ANKFN1: variants seen among roughly 807,000 people sequenced by gnomAD.
ANKFN1 encodes ankyrin repeat and fibronectin type-III domain-containing protein 1.
ANKFN1 carries 74 observed loss-of-function variants against 108.7 expected under a neutral mutation model. That is an observed-to-expected ratio of 0.68 (90% CI 0.56 to 0.83). The LOEUF is 0.83. ANKFN1 is among the 40% of genes least tolerant of loss of function. ANKFN1 has a pLI of 0.00. For synonymous variants in ANKFN1, 547 were observed against 516.2 expected, an observed-to-expected ratio of 1.06 and a Z score of -0.81; for missense variants, 1,505 against 1,382.3, an observed-to-expected ratio of 1.09 and a Z score of -1.41.
intron 8 of ANKFN1, among the ~76,000 whole-genome samples, chr17:56,379,669 A>G (rs2047040977): frequency 1.3e-5 from 2 of 152,226 alleles, no homozygotes; most frequent in South Asian, 4.1e-4. Flanking sequence ...GGCTCCTCTT[A>G]CAGTTGTATA....
chr17:56,233,185 A>G (rs767774409), intron 3 of ANKFN1, among the ~76,000 whole-genome samples: 8 of 152,098 alleles, frequency 5.3e-5, no homozygotes, highest in African/African-American at 1.4e-4. Flanking sequence ...TATTTTCAAT[A>G]TATGCTAATA....
At chr17:56,340,526 C>T (rs959623681) in intron 4 of ANKFN1, among the ~76,000 whole-genome samples, 1 of 151,924 alleles carries the variant, frequency 6.6e-6, no homozygotes, top group Non-Finnish European at 1.5e-5. Flanking sequence ...TCTGCTTATG[C>T]CTAGCCAGTT....
At chr17:56,283,536 T>TATATATATATATATATATA (rs1555622132) in intron 3 of ANKFN1, among the ~76,000 whole-genome samples, 1 of 149,960 alleles carries the variant, frequency 6.7e-6, no homozygotes, top group African/African-American at 2.5e-5. Context: ...TATATATATA[T>TATATATATATATATATATA]ATGATGGAAT....
At chr17:56,365,386 T>G (rs1461551096) in intron 6 of ANKFN1, among the ~76,000 whole-genome samples, 1 of 152,198 alleles carries the variant, frequency 6.6e-6, no homozygotes, top group African/African-American at 2.4e-5. Flanking sequence ...ATAAGATCAA[T>G]GGATGTAATA....
At chr17:56,113,841 A>G (rs1906111205) in intron 4 of ANKFN1, among the ~76,000 whole-genome samples, 1 of 86,182 alleles carries the variant, frequency 1.2e-5, no homozygotes, top group African/African-American at 7.1e-5. Flanking sequence ...GGTCAGATGG[A>G]TATATGATTA....
rs369987912 is a variant in ANKFN1, at chr17:56,465,530, G to T, written c.1558-826G>T. On this transcript the variant is annotated intron_variant, in intron 14 of 20. Transcript: ENST00000682825. Reference sequence around the variant, plus strand: ...CTTATGTGAGCTCACAAAAGTAACAGCTAGGAGCTCTAGGATGATTTATAA... The same window carrying T: ...CTTATGTGAGCTCACAAAAGTAACATCTAGGAGCTCTAGGATGATTTATAA... 1.4e-4 allele frequency among the ~76,000 whole-genome samples: 21 copies of T among 152,190 alleles called. 3 individuals carry two copies. Among genetic ancestry groups the T allele is most frequent in the Admixed American group, 9.2e-4 (14 of 15,284 alleles).
intron 8 of ANKFN1, among the ~76,000 whole-genome samples, chr17:56,380,870 C>A (rs1341926008): frequency 6.6e-6 from 1 of 152,134 alleles, no homozygotes; most frequent in Non-Finnish European, 1.5e-5. Context: ...CACAGACAAA[C>A]AAAAAGACAG....
chr17:56,306,417 T>C (rs973297290), intron 3 of ANKFN1, among the ~76,000 whole-genome samples: 1 of 152,224 alleles, frequency 6.6e-6, no homozygotes, highest in African/African-American at 2.4e-5. Context: ...ATCACAAGCA[T>C]TCTTATACAC....
intron 3 of ANKFN1, among the ~76,000 whole-genome samples, chr17:56,280,626 T>A (rs918168199): frequency 6.6e-6 from 1 of 152,202 alleles, no homozygotes; most frequent in African/African-American, 2.4e-5. Context: ...AATCCCATAA[T>A]AAATCTCCGA....
chr17:56,366,344 A>G (rs1179746620), intron 6 of ANKFN1, among the ~76,000 whole-genome samples: 2 of 152,204 alleles, frequency 1.3e-5, no homozygotes, highest in Admixed American at 6.5e-5. Flanking sequence ...AAATTGTCAG[A>G]AGGAGCCAAC....
At chr17:56,204,585 C>T (rs1026032239) in intron 1 of ANKFN1, among the ~76,000 whole-genome samples, 9 of 152,076 alleles carry the variant, frequency 5.9e-5, no homozygotes, top group Non-Finnish European at 4.4e-5. Flanking sequence ...AAGTGATCTG[C>T]CCACCTCGGC....
intron 1 of ANKFN1, among the ~76,000 whole-genome samples, chr17:56,190,648 TG>T (rs1334340152): frequency 4.7e-5 from 4 of 84,898 alleles, no homozygotes; most frequent in African/African-American, 2.0e-4. Context: ...TGGTCAATTT[TG>T]GAATAGGTGT....
chr17:56,303,634 C>A (rs1440296064), intron 3 of ANKFN1, among the ~76,000 whole-genome samples: 2 of 152,182 alleles, frequency 1.3e-5, no homozygotes, highest in Non-Finnish European at 2.9e-5. Flanking sequence ...TGTAGCTCTA[C>A]ACACATGCTG....
chr17:56,365,851 G>T (rs895079417), intron 6 of ANKFN1, among the ~76,000 whole-genome samples: 1 of 152,140 alleles, frequency 6.6e-6, no homozygotes, highest in Admixed American at 6.5e-5. Context: ...ACTTGATAAT[G>T]ACACTAAACT....
At chr17:56,067,001 G>A (rs1258089845) in intron 4 of ANKFN1, among the ~76,000 whole-genome samples, 2 of 152,110 alleles carry the variant, frequency 1.3e-5, no homozygotes, top group Non-Finnish European at 2.9e-5. Flanking sequence ...GACCATCCTG[G>A]CTAACATAGT....
chr17:56,189,449 C>G (rs961403621), intron 1 of ANKFN1, among the ~76,000 whole-genome samples: 1 of 152,038 alleles, frequency 6.6e-6, no homozygotes, highest in African/African-American at 2.4e-5. Context: ...GGATTACAGG[C>G]GTGAGCCACC....
intron 5 of ANKFN1, among the ~76,000 whole-genome samples, chr17:56,351,673 G>T (rs190488228): frequency 6.6e-6 from 1 of 152,126 alleles, no homozygotes; most frequent in Admixed American, 6.6e-5. Context: ...TTCACCTGTT[G>T]CTCAGTCCTC....
chr17:56,432,977 C>T (rs2048808626), intron 8 of ANKFN1, among the ~76,000 whole-genome samples: 1 of 151,968 alleles, frequency 6.6e-6, no homozygotes, highest in Admixed American at 6.6e-5. Flanking sequence ...AACTGATACC[C>T]TGGAGAGGAA....
At chr17:56,224,021 A>G (rs1448918588) in intron 2 of ANKFN1, among the ~76,000 whole-genome samples, 4 of 152,236 alleles carry the variant, frequency 2.6e-5, no homozygotes, top group African/African-American at 9.6e-5. Context: ...GGTTGGTGGA[A>G]GAATCGAGAC....
Sources: allele counts gnomAD v4.1 joint callset (sites outside exome capture counted in the v4.1 genomes callset), GRCh38; gene constraint gnomAD v4.1.1; transcripts MANE v1.5; gene names NCBI Gene and HGNC (gene_info 2026-07-23, HGNC 2026-07-21).